The following KCNT2 variants were observed in gnomAD, a reference collection of about 807,000 sequenced individuals.
The protein encoded by KCNT2 is potassium sodium-activated channel subfamily T member 2.
In KCNT2, 67 loss-of-function variants were observed where a neutral mutation model predicts 153.8. The observed-to-expected ratio is 0.44, with a 90% CI of 0.36 to 0.53. The LOEUF (loss-of-function observed/expected upper bound fraction) is 0.53. Among genes scored for constraint, KCNT2 ranks in the 20% least tolerant of loss-of-function variants. The probability of loss-of-function intolerance (pLI) is 0.00; values close to 1 mark genes in which losing one functional copy is unlikely to be tolerated. For synonymous variants in KCNT2, 500 were observed against 458.8 expected, an observed-to-expected ratio of 1.09 and a Z score of -1.15; for missense variants, 975 against 1,354.8, an observed-to-expected ratio of 0.72 and a Z score of 4.40.
At chr1:196,274,195 G>T (rs1256391627) in intron 25 of KCNT2, among the ~76,000 whole-genome samples, 1 of 151,392 alleles carries the variant, frequency 6.6e-6, no homozygotes, top group Non-Finnish European at 1.5e-5. Flanking sequence ...TAGCTAAGTA[G>T]GGGTTATAAA....
rs373267893 is a variant in KCNT2, at chr1:196,428,096, C to G, written c.984+9G>C. On this transcript the variant is annotated intron_variant, in intron 10 of 27. Transcript: ENST00000294725. ...ATCCAGTATAGCACATAATATAAGC[C>G]AAATGTACCTGGAGCCTAGGATGAG... is the stretch of plus-strand genomic sequence containing the variant. 6.2e-7 allele frequency: 1 copy of G among 1,608,422 alleles called. No individual in the cohort carries two copies. Among genetic ancestry groups the G allele is most frequent in the Non-Finnish European group, 8.5e-7 (1 of 1,175,932 alleles).
rs1431554403 is a variant in KCNT2 at position 196,442,949 on chromosome 1, C to CCA, written c.639-13194_639-13193dup. On this transcript the variant is annotated intron_variant, in intron 8 of 27. Transcript: ENST00000294725. ...TAGAGCCAGAGGGAATATAGGTAAG[C>CCA]CACACATACATATATAGCTCTTGCT... Among the ~76,000 whole-genome samples the CCA allele has an allele frequency of 4.0e-5, 6 of 151,602 alleles. No individual in the cohort carries two copies. The East Asian group carries it at 5.9e-4, about 15-fold the overall frequency.
chr1:196,501,349 A>G (rs1680680740), intron 1 of KCNT2, among the ~76,000 whole-genome samples: 1 of 152,204 alleles, frequency 6.6e-6, no homozygotes, highest in South Asian at 2.1e-4. Flanking sequence ...AATGTGGGGT[A>G]GATATAGATA....
At position 196,305,260 on chromosome 1, in the gene KCNT2, A is replaced by T. The variant is rs775881465; in HGVS notation, c.2569T>A (p.Ser857Thr). ...TTTTCCAGTTTTGAAAGAGCAAGAG[A>T]GTAACAGTCTTTGGCTCTGAATTGC... ...FMQFRAKDCY[S>T]LALSKLEKKE... The change falls in exon 22 of 28, where the codon TCT becomes ACT. Residue 857 changes from serine to threonine, a missense_variant. Transcript: ENST00000294725. 1 of 1,611,066 alleles carries T rather than the reference A, an allele frequency of 6.2e-7. No homozygotes were observed. The highest frequency in any genetic ancestry group is 8.5e-7 in the Non-Finnish European group (1 of 1,177,722).
rs1257526602 is a variant in KCNT2, at chr1:196,397,022, A to G, written c.1294+1541T>C. Reference sequence around the variant, plus strand: ...TTGATACAATATCCATTCATAGAACACTTAATATGTTTCAGACATTATTTA... The same window carrying G: ...TTGATACAATATCCATTCATAGAACGCTTAATATGTTTCAGACATTATTTA... On this transcript the variant is annotated intron_variant, in intron 13 of 27. Coordinates refer to ENST00000294725, the MANE Select transcript of KCNT2 (RefSeq NM_198503.5). 4.0e-5 allele frequency among the ~76,000 whole-genome samples: 6 copies of G among 151,512 alleles called. No homozygotes were observed. The East Asian group carries it at 1.2e-3, about 30-fold the overall frequency.
At chr1:196,416,224 G>A (rs1273369155) in intron 12 of KCNT2, among the ~76,000 whole-genome samples, 2 of 151,878 alleles carry the variant, frequency 1.3e-5, no homozygotes, top group Non-Finnish European at 2.9e-5. Context: ...TTACTTAGTG[G>A]CCCAAAGTGC....
Position 196,227,220 on chromosome 1 carries a change from A to T in KCNT2, c.*1004T>A, listed in dbSNP as rs2102200571. 6.6e-6 allele frequency: 1 copy of T among 152,152 alleles called. No individual in the cohort carries two copies. Among genetic ancestry groups the T allele is most frequent in the South Asian group, 2.1e-4 (1 of 4,828 alleles). The allele number at this position is 152,152 out of a possible 1,614,324, so 9.4% of individuals were successfully genotyped here. The stretch of plus-strand genomic sequence containing the variant: ...TTGAGTGTTATTGTTTCATTACCAA[A>T]GACATAAGGACTTTTAATGTTTTGA... On this transcript the variant is annotated 3_prime_UTR_variant, in exon 28 of 28. Coordinates refer to ENST00000294725, the MANE Select transcript of KCNT2 (RefSeq NM_198503.5).
chr1:196,279,510 A>G (rs1282892191), intron 25 of KCNT2, among the ~76,000 whole-genome samples: 3 of 150,644 alleles, frequency 2.0e-5, no homozygotes, highest in African/African-American at 7.3e-5. Flanking sequence ...GCAACCTCCG[A>G]CTCCCAGGTT....
chr1:196,370,685 A>G (rs1377820704), intron 14 of KCNT2, among the ~76,000 whole-genome samples: 1 of 152,138 alleles, frequency 6.6e-6, no homozygotes, highest in African/African-American at 2.4e-5. Context: ...TGACCATACG[A>G]CCCAGCAATT....
chr1:196,560,057 C>CCGTA (rs1450151253), intron 1 of KCNT2, among the ~76,000 whole-genome samples: 2 of 151,540 alleles, frequency 1.3e-5, no homozygotes, highest in Non-Finnish European at 2.9e-5. Flanking sequence ...ATTTAATTTG[C>CCGTA]CGTATGTGAT....
At chr1:196,367,560 T>G (rs1668150535) in intron 14 of KCNT2, among the ~76,000 whole-genome samples, 1 of 152,200 alleles carries the variant, frequency 6.6e-6, no homozygotes, top group Non-Finnish European at 1.5e-5. Context: ...AACTAACAGA[T>G]ACAACTAGAA....
At chr1:196,327,613 T>C (rs992440001) in intron 18 of KCNT2, among the ~76,000 whole-genome samples, 3 of 151,884 alleles carry the variant, frequency 2.0e-5, no homozygotes, top group African/African-American at 7.3e-5. Context: ...CTTATTTATG[T>C]GGGTTGAGAT....
At chr1:196,283,325 C>T (rs1659301792) in intron 23 of KCNT2, among the ~76,000 whole-genome samples, 1 of 152,034 alleles carries the variant, frequency 6.6e-6, no homozygotes, top group Admixed American at 6.5e-5. Flanking sequence ...CCTGTAGTCC[C>T]AGCTACTTGG....
chr1:196,436,492 T>A (rs148035200), intron 8 of KCNT2, among the ~76,000 whole-genome samples: 1 of 151,686 alleles, frequency 6.6e-6, no homozygotes, highest in East Asian at 1.9e-4. Flanking sequence ...CAAACATTAA[T>A]ATTACACAAA....
At chr1:196,531,476 G>A (rs538160098) in intron 1 of KCNT2, among the ~76,000 whole-genome samples, 3 of 152,076 alleles carry the variant, frequency 2.0e-5, no homozygotes, top group South Asian at 2.1e-4. Context: ...TGGAGGTAAC[G>A]GCTCCTACTT....
chr1:196,495,300 T>C (rs10922074), intron 1 of KCNT2, among the ~76,000 whole-genome samples: 146,791 of 151,968 alleles, frequency 0.97, 71,101 homozygotes, highest in Middle Eastern at 1. Context: ...TAACTCTTTC[T>C]AGCAGCAAGG....
intron 1 of KCNT2, among the ~76,000 whole-genome samples, chr1:196,530,513 T>A (rs1654802429): frequency 6.6e-6 from 1 of 151,882 alleles, no homozygotes; most frequent in African/African-American, 2.4e-5. Context: ...AAACAAAAAA[T>A]AGGTTACCAA....
intron 22 of KCNT2, among the ~76,000 whole-genome samples, chr1:196,293,868 A>C (rs1286297327): frequency 2.7e-5 from 4 of 150,634 alleles, no homozygotes; most frequent in East Asian, 1.9e-4. Flanking sequence ...TCAAAAAAAA[A>C]AAAAACAAAA....
intron 1 of KCNT2, among the ~76,000 whole-genome samples, chr1:196,577,946 CTT>C (rs1661564787): frequency 6.6e-6 from 1 of 152,108 alleles, no homozygotes; most frequent in African/African-American, 2.4e-5. Context: ...ATTTTAAACT[CTT>C]TCTCTGTTTC....
Sources: allele counts gnomAD v4.1 joint callset (sites outside exome capture counted in the v4.1 genomes callset), GRCh38; gene constraint gnomAD v4.1.1; transcripts MANE v1.5; gene names NCBI Gene and HGNC (gene_info 2026-07-23, HGNC 2026-07-21).